ADGRL2: variants seen among roughly 807,000 people sequenced by gnomAD.
The protein encoded by ADGRL2 is adhesion G protein-coupled receptor L2, also known as calcium-independent alpha-latrotoxin receptor 2.
A neutral mutation model predicts 157.4 loss-of-function variants in ADGRL2; 44 were observed. The ratio of observed to expected loss-of-function variants is 0.28; its 90% CI spans 0.22 to 0.36. The LOEUF (loss-of-function observed/expected upper bound fraction) is 0.36. ADGRL2 is among the 10% of genes least tolerant of loss of function. The pLI is 1.00. For synonymous variants in ADGRL2, 585 were observed against 624.7 expected, an observed-to-expected ratio of 0.94 and a Z score of 0.95; for missense variants, 1,510 against 1,768.9, an observed-to-expected ratio of 0.85 and a Z score of 2.63.
intron 3 of ADGRL2, among the ~76,000 whole-genome samples, chr1:81,621,738 G>A: frequency 6.6e-6 from 1 of 152,172 alleles, no homozygotes; most frequent in Non-Finnish European, 1.5e-5. Flanking sequence ...TTCATCGGCA[G>A]ACCTGTGAGA....
intron 1 of ADGRL2, among the ~76,000 whole-genome samples, chr1:81,808,328 G>A (rs1009960825): frequency 3.9e-5 from 6 of 151,990 alleles, no homozygotes; most frequent in Admixed American, 2.6e-4. Context: ...GTAGGAACTC[G>A]CCAGCAGTGT....
chr1:81,458,515 G>C (rs1407107114), intron 2 of ADGRL2, among the ~76,000 whole-genome samples: 2 of 152,142 alleles, frequency 1.3e-5, no homozygotes, highest in African/African-American at 4.8e-5. Flanking sequence ...GCAGCCACAT[G>C]ACCTCTGCCC....
At chr1:81,845,724 T>C (rs564953792) in intron 2 of ADGRL2, among the ~76,000 whole-genome samples, 1 of 151,922 alleles carries the variant, frequency 6.6e-6, no homozygotes, top group Non-Finnish European at 1.5e-5. Flanking sequence ...CTTTTTTCAT[T>C]TTTATTATAA....
intron 1 of ADGRL2, among the ~76,000 whole-genome samples, chr1:81,806,392 G>A (rs1487943559): frequency 6.6e-6 from 1 of 151,978 alleles, no homozygotes; most frequent in Non-Finnish European, 1.5e-5. Flanking sequence ...AGGCTTCTGG[G>A]TGTTTCCTTT....
At chr1:81,462,389 C>T (rs186784555) in intron 2 of ADGRL2, among the ~76,000 whole-genome samples, 1 of 150,898 alleles carries the variant, frequency 6.6e-6, no homozygotes, top group Non-Finnish European at 1.5e-5. Flanking sequence ...GTCTGTGCCA[C>T]ATTTAAGAGC....
chr1:81,324,227 GAC>G, intron 1 of ADGRL2, among the ~76,000 whole-genome samples: 1 of 152,116 alleles, frequency 6.6e-6, no homozygotes, highest in African/African-American at 2.4e-5. Context: ...TTTAGGGCTG[GAC>G]ACAGTAGCTC....
chr1:81,761,646 T>G (rs1276903175), intron 1 of ADGRL2, among the ~76,000 whole-genome samples: 1 of 152,088 alleles, frequency 6.6e-6, no homozygotes, highest in East Asian at 1.9e-4. Context: ...ATGGTAGCTC[T>G]GTTCATAGTC....
chr1:81,842,903 A>G (rs968150631), intron 2 of ADGRL2, among the ~76,000 whole-genome samples: 4 of 152,106 alleles, frequency 2.6e-5, no homozygotes, highest in African/African-American at 9.7e-5. Context: ...CAATCTAACA[A>G]AATTAACTAC....
chr1:81,770,770 G>A (rs192657341), intron 2 of ADGRL2, among the ~76,000 whole-genome samples: 37 of 152,192 alleles, frequency 2.4e-4, no homozygotes, highest in Admixed American at 1.8e-3. Context: ...CACAGCGCCC[G>A]GCCAATAATG....
chr1:81,632,486 C>T (rs181859136), intron 3 of ADGRL2, among the ~76,000 whole-genome samples: 168 of 152,194 alleles, frequency 1.1e-3, no homozygotes, highest in Non-Finnish European at 1.6e-4. Flanking sequence ...AGGCCCGGCA[C>T]GGTGGCTTAT....
intron 2 of ADGRL2, among the ~76,000 whole-genome samples, chr1:81,898,473 A>G (rs2094432916): frequency 6.6e-6 from 1 of 152,204 alleles, no homozygotes; most frequent in Non-Finnish European, 1.5e-5. Flanking sequence ...GAAAGGAATT[A>G]CGTATAAGTA....
intron 2 of ADGRL2, among the ~76,000 whole-genome samples, chr1:81,869,245 C>G (rs953444766): frequency 1.3e-5 from 2 of 151,628 alleles, no homozygotes; most frequent in Non-Finnish European, 2.9e-5. Context: ...TTTTTCTTTC[C>G]TTTTCACCTT....
chr1:81,867,669 A>T (rs1216283551), intron 2 of ADGRL2, among the ~76,000 whole-genome samples: 1 of 152,220 alleles, frequency 6.6e-6, no homozygotes, highest in Non-Finnish European at 1.5e-5. Flanking sequence ...AATTGCTAAT[A>T]CTAATTACCT....
chr1:81,312,219 G>C (rs1432946368), intron 1 of ADGRL2, among the ~76,000 whole-genome samples: 2 of 152,186 alleles, frequency 1.3e-5, no homozygotes, highest in Non-Finnish European at 2.9e-5. Context: ...TCTACAGAAA[G>C]AGTTTACAAC....
At chr1:81,846,876 A>G (rs2092811260) in intron 2 of ADGRL2, among the ~76,000 whole-genome samples, 1 of 151,962 alleles carries the variant, frequency 6.6e-6, no homozygotes, top group African/African-American at 2.4e-5. Context: ...ATATGGTAGA[A>G]TGCTGTGATG....
chr1:81,394,603 A>T (rs2076621692), intron 1 of ADGRL2, among the ~76,000 whole-genome samples: 1 of 152,062 alleles, frequency 6.6e-6, no homozygotes. Context: ...TTCTTTATCC[A>T]TTTATCTGCC....
chr1:81,445,307 C>T (rs1176576700), intron 2 of ADGRL2, among the ~76,000 whole-genome samples: 1 of 152,138 alleles, frequency 6.6e-6, no homozygotes, highest in Non-Finnish European at 1.5e-5. Flanking sequence ...TCAGGTTATT[C>T]GTTGTATGTT....
At chr1:81,365,758 T>A (rs534854864) in intron 1 of ADGRL2, among the ~76,000 whole-genome samples, 2 of 152,300 alleles carry the variant, frequency 1.3e-5, no homozygotes, top group South Asian at 4.1e-4. Context: ...TTAGTTGAAA[T>A]CTATTGGGTG....
At chr1:81,425,539 A>G (rs931286581) in intron 1 of ADGRL2, among the ~76,000 whole-genome samples, 2 of 152,242 alleles carry the variant, frequency 1.3e-5, no homozygotes, top group African/African-American at 4.8e-5. Flanking sequence ...TTCATGGCTG[A>G]CACTCCTATA....
Sources: allele counts gnomAD v4.1 joint callset (sites outside exome capture counted in the v4.1 genomes callset), GRCh38; gene constraint gnomAD v4.1.1; transcripts MANE v1.5; gene names NCBI Gene and HGNC (gene_info 2026-07-23, HGNC 2026-07-21).